Variants in STAC observed in about 807,000 individuals in gnomAD.
STAC encodes the protein SH3 and cysteine-rich domain-containing protein.
A neutral mutation model predicts 48.8 loss-of-function variants in STAC; 43 were observed. The ratio of observed to expected loss-of-function variants is 0.88; its 90% confidence interval spans 0.69 to 1.14. STAC has a LOEUF of 1.14. STAC is among the 50% of genes most tolerant of loss of function. The pLI is 0.00. For missense variants in STAC, 497 were observed against 504.0 expected, an observed-to-expected ratio of 0.99 and a Z score of 0.13; for synonymous variants, 193 against 179.5, an observed-to-expected ratio of 1.07 and a Z score of -0.60.
intron 2 of STAC, among the ~76,000 whole-genome samples, chr3:36,458,337 G>T (rs568158694): frequency 6.6e-6 from 1 of 152,108 alleles, no homozygotes; most frequent in Non-Finnish European, 1.5e-5. Flanking sequence ...ACTATTGAGA[G>T]ATATCTAAAG....
At chr3:36,492,668 A>G (rs1698023309) in intron 5 of STAC, among the ~76,000 whole-genome samples, 1 of 152,342 alleles carries the variant, frequency 6.6e-6, no homozygotes, top group South Asian at 2.1e-4. Flanking sequence ...GTCAGGATAC[A>G]TATTATAAAA....
intron 2 of STAC, among the ~76,000 whole-genome samples, chr3:36,447,810 A>G (rs1371391290): frequency 6.6e-6 from 1 of 152,202 alleles, no homozygotes; most frequent in Admixed American, 6.5e-5. Flanking sequence ...TCTTAGAATG[A>G]AATTGAATCT....
At chr3:36,523,250 T>C (rs563834476) in intron 8 of STAC, among the ~76,000 whole-genome samples, 1 of 152,334 alleles carries the variant, frequency 6.6e-6, no homozygotes, top group African/African-American at 2.4e-5. Flanking sequence ...AGAGTTCCTA[T>C]AAATCATTAT....
At chr3:36,380,797 C>A (rs1190664387) in intron 1 of STAC, 43 bp downstream of exon 1, 2 of 1,472,364 alleles carry the variant, frequency 1.4e-6, no homozygotes, top group African/African-American at 1.4e-5. Context: ...AACTCACTCT[C>A]CTCTCCTGTC....
intron 2 of STAC, among the ~76,000 whole-genome samples, chr3:36,455,003 G>T (rs1696811463): frequency 6.6e-6 from 1 of 152,112 alleles, no homozygotes; most frequent in South Asian, 2.1e-4. Flanking sequence ...AGCCTTTTCA[G>T]ATCATACCTT....
chr3:36,479,201 T>G (rs1244376988), intron 2 of STAC, among the ~76,000 whole-genome samples: 2 of 152,346 alleles, frequency 1.3e-5, no homozygotes, highest in Non-Finnish European at 2.9e-5. Context: ...GAAAATATCT[T>G]TATTCTACCT....
At chr3:36,510,270 G>T (rs1288736481) in intron 8 of STAC, among the ~76,000 whole-genome samples, 1 of 152,168 alleles carries the variant, frequency 6.6e-6, no homozygotes, top group Non-Finnish European at 1.5e-5. Context: ...TCTCATGCCA[G>T]TTAGAATGGT....
intron 1 of STAC, among the ~76,000 whole-genome samples, chr3:36,435,237 TCCTCCCTCCA>T (rs1293368412): frequency 1.3e-5 from 2 of 152,050 alleles, no homozygotes; most frequent in Admixed American, 6.6e-5. Context: ...TCTGGACATC[TCCTCCCTCCA>T]CCTCCCACTG....
intron 2 of STAC, among the ~76,000 whole-genome samples, chr3:36,461,093 TA>T (rs1697004636): frequency 6.6e-6 from 1 of 152,212 alleles, no homozygotes; most frequent in African/African-American, 2.4e-5. Context: ...TAGACTTTTT[TA>T]CATGTATGTA....
intron 1 of STAC, among the ~76,000 whole-genome samples, chr3:36,389,454 C>A (rs1253065374): frequency 6.6e-6 from 1 of 151,984 alleles, no homozygotes; most frequent in Non-Finnish European, 1.5e-5. Context: ...AAAGCCCTCG[C>A]CTTTTAATAC....
chr3:36,492,090 T>G lies in STAC; in HGVS notation c.688-1061T>G, dbSNP rs552952786. Among the ~76,000 whole-genome samples, 382 of 111,204 alleles carry G rather than the reference T, an allele frequency of 3.4e-3. 1 individual carries two copies. Among genetic ancestry groups the G allele is most frequent in the African/African-American group, 0.013 (369 of 28,776 alleles). 73.0% of individuals were successfully genotyped at this position (111,204 alleles called of 152,430 possible). On this transcript the variant is annotated intron_variant, in intron 5 of 10. Coordinates refer to ENST00000273183, the MANE Select transcript of STAC (RefSeq NM_003149.3). ...TATGTGACTGTCCTCAGAGGCCCCC[T>G]AAATTCCTCTTGTGAAGAGGATAGA...
chr3:36,545,893 T>C (rs1699433385), intron 10 of STAC, among the ~76,000 whole-genome samples: 1 of 152,240 alleles, frequency 6.6e-6, no homozygotes, highest in Non-Finnish European at 1.5e-5. Context: ...TCTCATTCTG[T>C]CCTCACAGTG....
intron 6 of STAC, among the ~76,000 whole-genome samples, chr3:36,500,441 G>A (rs770188965): frequency 1.1e-4 from 17 of 152,212 alleles, no homozygotes; most frequent in African/African-American, 2.2e-4. Flanking sequence ...ACTGGGGCCC[G>A]TCAGGCGAAG....
At chr3:36,533,263 A>C (rs1474054271) in intron 10 of STAC, among the ~76,000 whole-genome samples, 1 of 152,152 alleles carries the variant, frequency 6.6e-6, no homozygotes, top group Non-Finnish European at 1.5e-5. Flanking sequence ...CATCATCATC[A>C]GACTGACACC....
chr3:36,397,336 A>C (rs1465402081), intron 1 of STAC, among the ~76,000 whole-genome samples: 1 of 152,136 alleles, frequency 6.6e-6, no homozygotes, highest in African/African-American at 2.4e-5. Context: ...TGATCAGTTT[A>C]CTGGTCATTA....
intron 10 of STAC, among the ~76,000 whole-genome samples, chr3:36,541,393 A>G (rs1023526410): frequency 1.3e-5 from 2 of 152,224 alleles, no homozygotes; most frequent in Non-Finnish European, 2.9e-5. Context: ...AGAAATGACC[A>G]TGAGTACCAA....
chr3:36,426,950 C>A (rs1220749893), intron 1 of STAC, among the ~76,000 whole-genome samples: 1 of 152,172 alleles, frequency 6.6e-6, no homozygotes, highest in African/African-American at 2.4e-5. Flanking sequence ...CCATCTAAAG[C>A]AAAATGTAAG....
intron 1 of STAC, among the ~76,000 whole-genome samples, chr3:36,410,936 G>A: frequency 6.6e-6 from 1 of 152,326 alleles, no homozygotes; most frequent in East Asian, 1.9e-4. Flanking sequence ...CTTTATACCA[G>A]ATCTTCACAT....
At chr3:36,464,932 T>G (rs1697123444) in intron 2 of STAC, among the ~76,000 whole-genome samples, 2 of 152,106 alleles carry the variant, frequency 1.3e-5, no homozygotes, top group African/African-American at 4.8e-5. Flanking sequence ...TAAACATGCA[T>G]GTGCACGTGT....
Sources: allele counts gnomAD v4.1 joint callset (sites outside exome capture counted in the v4.1 genomes callset), GRCh38; gene constraint gnomAD v4.1.1; transcripts MANE v1.5; gene names NCBI Gene and HGNC (gene_info 2026-07-23, HGNC 2026-07-21).